COL19A1: variants seen among roughly 807,000 people sequenced by gnomAD.
COL19A1 encodes collagen alpha-1(XIX) chain.
In COL19A1, 159 loss-of-function variants were observed where a neutral mutation model predicts 190.2. The ratio of observed to expected loss-of-function variants is 0.84; its 90% CI spans 0.73 to 0.95. COL19A1 has a LOEUF of 0.95. Ranked by LOEUF, COL19A1 falls within the 40% of genes least tolerant of loss-of-function variation. COL19A1 has a pLI of 0.00. For missense variants in COL19A1, 1,418 were observed against 1,431.9 expected (o/e 0.99, Z 0.16); for synonymous variants, 509 against 458.9 (o/e 1.11, Z -1.39).
intron 11 of COL19A1, among the ~76,000 whole-genome samples, chr6:69,992,382 C>T (rs1776673993): frequency 6.6e-6 from 1 of 151,630 alleles, no homozygotes; most frequent in Non-Finnish European, 1.5e-5. Flanking sequence ...TTTTTGGTTC[C>T]ATATGAATTT....
At position 70,156,191 on chromosome 6, in the gene COL19A1, G is replaced by A; in HGVS notation, c.2144G>A (p.Gly715Asp). The A allele has an allele frequency of 6.2e-7, 1 of 1,613,378 alleles. No homozygotes were observed. ...AAAAGCAACAAAGGAGAAGAAGGAG[G>A]TGCTGGTGAGCCTGGAAAGTATGAT... is the stretch of plus-strand genomic sequence containing the variant. ...GLKSNKGEEG[G>D]AGEPGKYDSM... Residue 715 changes from glycine (G) to aspartate (D), a missense_variant, in exon 32 of 51, where the codon GGT becomes GAT. Physicochemically the swap from Gly to Asp is moderately conservative, Grantham distance 94 (BLOSUM62 -1). Coordinates refer to ENST00000620364, the MANE Select transcript of COL19A1 (RefSeq NM_001858.6).
chr6:70,042,663 T>C (rs750165405), intron 14 of COL19A1, among the ~76,000 whole-genome samples: 20 of 152,216 alleles, frequency 1.3e-4, no homozygotes, highest in Non-Finnish European at 2.5e-4. Context: ...GATTTCTCTG[T>C]AGCATGTGAT....
chr6:70,027,393 C>T (rs550650159), intron 12 of COL19A1, among the ~76,000 whole-genome samples: 2 of 152,290 alleles, frequency 1.3e-5, no homozygotes, highest in East Asian at 3.9e-4. Flanking sequence ...CAATGTGGCA[C>T]TCTTGGCATT....
intron 15 of COL19A1, among the ~76,000 whole-genome samples, chr6:70,099,450 T>A (rs1449038810): frequency 6.6e-6 from 1 of 152,116 alleles, no homozygotes; most frequent in Non-Finnish European, 1.5e-5. Flanking sequence ...TTTCAGACTA[T>A]GTGGATAAGG....
intron 19 of COL19A1, among the ~76,000 whole-genome samples, chr6:70,140,647 T>C (rs947034107): frequency 1.1e-4 from 17 of 152,148 alleles, no homozygotes; most frequent in African/African-American, 3.6e-4. Context: ...GTGATCGTTT[T>C]CTATGTGGAC....
chr6:70,180,383 G>A, intron 43 of COL19A1, 27 bp downstream of exon 43: 23 of 1,614,082 alleles, frequency 1.4e-5, no homozygotes, highest in Non-Finnish European at 1.9e-5. Flanking sequence ...TTTCATGACA[G>A]TTGTACTTGT....
At chr6:70,133,314 C>T (rs1284263391) in intron 18 of COL19A1, among the ~76,000 whole-genome samples, 2 of 152,202 alleles carry the variant, frequency 1.3e-5, no homozygotes, top group East Asian at 3.8e-4. Flanking sequence ...AGCACCAGGA[C>T]AAGCACAAAT....
chr6:69,931,844 T>C (rs1369929218), intron 6 of COL19A1, among the ~76,000 whole-genome samples: 1 of 152,046 alleles, frequency 6.6e-6, no homozygotes, highest in African/African-American at 2.4e-5. Flanking sequence ...GTAAAAGTTA[T>C]AGATTTTTCC....
At chr6:70,192,368 T>C (rs1766927700) in intron 48 of COL19A1, among the ~76,000 whole-genome samples, 1 of 152,152 alleles carries the variant, frequency 6.6e-6, no homozygotes, top group African/African-American at 2.4e-5. Context: ...GACAGTTTAC[T>C]AATACATTTG....
chr6:69,980,799 G>A (rs1204277674), intron 11 of COL19A1, among the ~76,000 whole-genome samples: 1 of 152,204 alleles, frequency 6.6e-6, no homozygotes, highest in East Asian at 1.9e-4. Flanking sequence ...GATATGTAAT[G>A]TAAAGCAATT....
At chr6:70,103,493 T>C (rs1379697579) in intron 16 of COL19A1, among the ~76,000 whole-genome samples, 2 of 152,270 alleles carry the variant, frequency 1.3e-5, no homozygotes, top group Middle Eastern at 3.4e-3. Context: ...TCAAGAAAGA[T>C]GGATTCCACA....
chr6:69,997,044 GAGAGAA>G lies in COL19A1; in HGVS notation c.1027-26576_1027-26571del, dbSNP rs749628032. The stretch of plus-strand genomic sequence containing the variant: ...ATATATATAGAGAGAGAGAGAGAGA[GAGAGAA>G]AGAGAACCAAAAGAGAATCTAACAG... On this transcript the variant is annotated intron_variant, in intron 11 of 50. Transcript: ENST00000620364. Among the ~76,000 whole-genome samples, 1,135 of 149,032 alleles carry G rather than the reference GAGAGAA, an allele frequency of 7.6e-3. 16 individuals carry two copies. Among genetic ancestry groups the G allele is most frequent in the African/African-American group, 0.025 (963 of 39,092 alleles).
At chr6:69,936,600 C>T (rs1455285881) in intron 7 of COL19A1, among the ~76,000 whole-genome samples, 185 bp from the exon 8 acceptor site, 1 of 151,962 alleles carries the variant, frequency 6.6e-6, no homozygotes, top group Admixed American at 6.6e-5. Context: ...ATAAGAAAAC[C>T]CATGGGCTCA....
chr6:70,076,713 G>A (rs1034426598), intron 15 of COL19A1, among the ~76,000 whole-genome samples: 8 of 152,094 alleles, frequency 5.3e-5, no homozygotes, highest in South Asian at 2.1e-4. Context: ...GGATTAAGCC[G>A]GAAGCACTTT....
intron 31 of COL19A1, among the ~76,000 whole-genome samples, chr6:70,155,441 G>A (rs1787373428): frequency 6.6e-6 from 1 of 152,244 alleles, no homozygotes; most frequent in African/African-American, 2.4e-5. Context: ...TGTGTGATGA[G>A]AGTTATGTTT....
At chr6:69,964,036 A>C (rs1292769567) in intron 11 of COL19A1, among the ~76,000 whole-genome samples, 1 of 152,196 alleles carries the variant, frequency 6.6e-6, no homozygotes, top group Non-Finnish European at 1.5e-5. Context: ...GTGTACATCA[A>C]ATGTATGTAT....
At chr6:70,035,698 A>G (rs549001469) in intron 13 of COL19A1, among the ~76,000 whole-genome samples, 1 of 152,348 alleles carries the variant, frequency 6.6e-6, no homozygotes, top group Non-Finnish European at 1.5e-5. Flanking sequence ...CAAAAAGCAT[A>G]GAGTATACAA....
At chr6:69,908,221 G>C (rs965710882) in intron 4 of COL19A1, among the ~76,000 whole-genome samples, 3 of 152,196 alleles carry the variant, frequency 2.0e-5, no homozygotes, top group Non-Finnish European at 4.4e-5. Flanking sequence ...TCAGAACTCT[G>C]ATATCGAAGT....
intron 4 of COL19A1, among the ~76,000 whole-genome samples, chr6:69,903,945 T>C (rs1295460196): frequency 6.6e-6 from 1 of 152,174 alleles, no homozygotes; most frequent in Non-Finnish European, 1.5e-5. Context: ...TCATGACACA[T>C]GGTGGGGCTA....
Sources: allele counts gnomAD v4.1 joint callset (sites outside exome capture counted in the v4.1 genomes callset), GRCh38; gene constraint gnomAD v4.1.1; transcripts MANE v1.5; gene names NCBI Gene and HGNC (gene_info 2026-07-23, HGNC 2026-07-21).